The following TAFA1 variants were observed in gnomAD, a reference collection of about 807,000 sequenced individuals.
TAFA1 encodes chemokine-like protein TAFA-1.
TAFA1 carries 4 observed loss-of-function variants against 18.5 expected under a neutral mutation model. That is an observed-to-expected ratio of 0.22 (90% confidence interval 0.11 to 0.49). The LOEUF is 0.49. Ranked by LOEUF, TAFA1 falls within the 20% of genes least tolerant of loss-of-function variation. The probability of loss-of-function intolerance (pLI) is 0.98; values close to 1 mark genes in which losing one functional copy is unlikely to be tolerated. For synonymous variants in TAFA1, 56 were observed against 55.2 expected (o/e 1.01, Z -0.06); for missense variants, 147 against 169.0 (o/e 0.87, Z 0.72).
chr3:68,351,626 TAG>T (rs1323835402), intron 2 of TAFA1, among the ~76,000 whole-genome samples: 1 of 152,076 alleles, frequency 6.6e-6, no homozygotes, highest in Non-Finnish European at 1.5e-5. Context: ...TATACATTTT[TAG>T]AGAGTTGACA....
intron 2 of TAFA1, among the ~76,000 whole-genome samples, chr3:68,316,588 A>G (rs2068609486): frequency 6.6e-6 from 1 of 152,122 alleles, no homozygotes; most frequent in Non-Finnish European, 1.5e-5. Flanking sequence ...CAGAAAACAT[A>G]ATAAAAACCT....
chr3:68,058,220 C>A (rs2064559433), intron 2 of TAFA1, among the ~76,000 whole-genome samples: 1 of 152,070 alleles, frequency 6.6e-6, no homozygotes, highest in South Asian at 2.1e-4. Flanking sequence ...AGTTATGCAA[C>A]AACTTTAAGG....
At chr3:68,406,028 A>C (rs1388890189) in intron 2 of TAFA1, among the ~76,000 whole-genome samples, 1 of 152,134 alleles carries the variant, frequency 6.6e-6, no homozygotes, top group Non-Finnish European at 1.5e-5. Flanking sequence ...TAATGCTTAC[A>C]GTATCCGTTA....
intron 2 of TAFA1, among the ~76,000 whole-genome samples, chr3:68,185,194 A>G (rs1238363053): frequency 6.6e-6 from 1 of 152,152 alleles, no homozygotes; most frequent in Non-Finnish European, 1.5e-5. Flanking sequence ...AGTGACATTT[A>G]AAGGGACCCT....
At chr3:68,381,239 A>C (rs1214140114) in intron 2 of TAFA1, among the ~76,000 whole-genome samples, 1 of 151,598 alleles carries the variant, frequency 6.6e-6, no homozygotes, top group African/African-American at 2.4e-5. Context: ...CTTAGGATTC[A>C]CTTGGCAATG....
intron 3 of TAFA1, among the ~76,000 whole-genome samples, chr3:68,505,054 A>G (rs550108081): frequency 6.6e-6 from 1 of 152,280 alleles, no homozygotes; most frequent in East Asian, 1.9e-4. Context: ...AGATCAAAGC[A>G]TGTTTGCTGA....
chr3:68,080,860 A>G (rs893540751), intron 2 of TAFA1, among the ~76,000 whole-genome samples: 30 of 152,032 alleles, frequency 2.0e-4, no homozygotes, highest in Non-Finnish European at 3.7e-4. Flanking sequence ...ACGTTGGCCT[A>G]CCTTGCTAGA....
chr3:68,114,498 A>G (rs1028344885), intron 2 of TAFA1, among the ~76,000 whole-genome samples: 1 of 152,232 alleles, frequency 6.6e-6, no homozygotes, highest in African/African-American at 2.4e-5. Flanking sequence ...ATGATGCTCA[A>G]TCTCATTGAT....
intron 2 of TAFA1, among the ~76,000 whole-genome samples, chr3:68,346,676 C>A (rs1385287514): frequency 1.3e-5 from 2 of 152,140 alleles, no homozygotes; most frequent in Non-Finnish European, 2.9e-5. Context: ...ACAGAACTTG[C>A]TGTAGGTTAA....
intron 2 of TAFA1, among the ~76,000 whole-genome samples, chr3:68,126,623 T>C (rs2065467967): frequency 6.6e-6 from 1 of 152,210 alleles, no homozygotes; most frequent in Non-Finnish European, 1.5e-5. Flanking sequence ...GTTTGGACAA[T>C]AGATGAGGGT....
intron 2 of TAFA1, among the ~76,000 whole-genome samples, chr3:68,389,026 T>A (rs1025993149): frequency 6.6e-6 from 1 of 152,196 alleles, no homozygotes; most frequent in South Asian, 2.1e-4. Flanking sequence ...AAGGTCACAT[T>A]ACTATTTAAT....
intron 2 of TAFA1, among the ~76,000 whole-genome samples, chr3:68,075,614 C>G (rs1195672834): frequency 1.3e-5 from 2 of 151,846 alleles, no homozygotes; most frequent in Admixed American, 1.3e-4. Flanking sequence ...TCCCAAGTGT[C>G]TCAAGTGGGT....
At chr3:68,091,037 G>C (rs538340725) in intron 2 of TAFA1, among the ~76,000 whole-genome samples, 1 of 152,296 alleles carries the variant, frequency 6.6e-6, no homozygotes, top group South Asian at 2.1e-4. Flanking sequence ...GAAATAATCT[G>C]CTTCAGAATA....
At position 68,006,691 on chromosome 3, in the gene TAFA1, T is replaced by G; in HGVS notation, c.65T>G (p.Leu22Arg). The G allele has an allele frequency of 1.9e-6, 3 of 1,614,066 alleles. No individual in the cohort carries two copies. The highest frequency in any genetic ancestry group is 2.5e-6 in the Non-Finnish European group (3 of 1,179,898). The change falls in exon 2 of 5, where the codon CTC (leucine) becomes CGC (arginine). Residue 22 changes from leucine (L) to arginine (R), a missense_variant. Leu to Arg is a moderately radical substitution (Grantham distance 102). Transcript: ENST00000478136. ...YLWISACAML[L>R]CHGSLQHTFQ... Reference sequence around the variant, plus strand: ...TGGATAAGTGCTTGTGCAATGCTACTCTGCCATGGATCCCTTCAGCACACT... The same window carrying G: ...TGGATAAGTGCTTGTGCAATGCTACGCTGCCATGGATCCCTTCAGCACACT...
At chr3:68,439,441 A>ATATATATATG (rs1368084224) in intron 3 of TAFA1, among the ~76,000 whole-genome samples, 1 of 128,712 alleles carries the variant, frequency 7.8e-6, no homozygotes, top group Non-Finnish European at 1.7e-5. Context: ...ATATATATAT[A>ATATATATATG]TATGAGTTTA....
intron 2 of TAFA1, among the ~76,000 whole-genome samples, chr3:68,341,463 T>G (rs949925957): frequency 2.0e-5 from 3 of 152,090 alleles, no homozygotes; most frequent in Non-Finnish European, 4.4e-5. Flanking sequence ...CACGAGCAAT[T>G]TGGGGAGGTT....
At chr3:68,107,528 T>C (rs1479481646) in intron 2 of TAFA1, among the ~76,000 whole-genome samples, 1 of 152,256 alleles carries the variant, frequency 6.6e-6, no homozygotes, top group East Asian at 1.9e-4. Context: ...CAAACATGAA[T>C]GAAGCTAAAT....
chr3:68,157,632 T>C (rs1382768644), intron 2 of TAFA1, among the ~76,000 whole-genome samples: 1 of 151,184 alleles, frequency 6.6e-6, no homozygotes, highest in Non-Finnish European at 1.5e-5. Context: ...AAAACTCATA[T>C]GTGGTCTCTT....
chr3:68,095,709 G>C (rs983164659), intron 2 of TAFA1, among the ~76,000 whole-genome samples: 10 of 152,208 alleles, frequency 6.6e-5, no homozygotes, highest in Admixed American at 6.5e-4. Flanking sequence ...CTACTAATTC[G>C]TAACATTTAT....
Sources: allele counts gnomAD v4.1 joint callset (sites outside exome capture counted in the v4.1 genomes callset), GRCh38; gene constraint gnomAD v4.1.1; transcripts MANE v1.5; gene names NCBI Gene and HGNC (gene_info 2026-07-23, HGNC 2026-07-21).